TANGO6: variants seen among roughly 807,000 people sequenced by gnomAD.
The protein encoded by TANGO6 is transport and golgi organization 6 homolog.
In TANGO6, 90 loss-of-function variants were observed where a neutral mutation model predicts 114.2. That is an observed-to-expected ratio of 0.79 (90% CI 0.66 to 0.94). The LOEUF is 0.94. Among genes scored for constraint, TANGO6 ranks in the 40% least tolerant of loss-of-function variants. The pLI is 0.00. For synonymous variants in TANGO6, 477 were observed against 509.8 expected, an observed-to-expected ratio of 0.94 and a Z score of 0.87; for missense variants, 1,274 against 1,315.3, an observed-to-expected ratio of 0.97 and a Z score of 0.49.
At chr16:68,882,472 G>A (rs1962477472) in intron 7 of TANGO6, among the ~76,000 whole-genome samples, 1 of 151,980 alleles carries the variant, frequency 6.6e-6, no homozygotes, top group Non-Finnish European at 1.5e-5. Flanking sequence ...ACTCCAGCCT[G>A]GGTGACAGAG....
chr16:68,843,811 C>G (rs1961761753), intron 1 of TANGO6, 100 bp downstream of exon 1: 10 of 1,128,988 alleles, frequency 8.9e-6, no homozygotes, highest in Non-Finnish European at 1.2e-5. Context: ...CCCTTAGGCC[C>G]GCCTCGGGAC....
At chr16:69,033,681 G>C (rs1336324966) in intron 16 of TANGO6, 1 of 152,270 alleles carries the variant, frequency 6.6e-6, no homozygotes, top group Non-Finnish European at 1.5e-5. Flanking sequence ...TGTGGCGGGA[G>C]GTCCTGGAGG....
intron 7 of TANGO6, among the ~76,000 whole-genome samples, chr16:68,889,948 C>G (rs1047979770): frequency 1.3e-5 from 2 of 152,202 alleles, no homozygotes; most frequent in African/African-American, 4.8e-5. Flanking sequence ...ATGCACAGTG[C>G]AAAATACTTG....
chr16:68,901,523 C>G (rs761163140), intron 8 of TANGO6, among the ~76,000 whole-genome samples: 1 of 152,212 alleles, frequency 6.6e-6, no homozygotes, highest in Non-Finnish European at 1.5e-5. Flanking sequence ...GAGTCTCGCT[C>G]TGTTGCCCAG....
chr16:68,997,163 C>A (rs1963999383), intron 15 of TANGO6, among the ~76,000 whole-genome samples: 1 of 152,074 alleles, frequency 6.6e-6, no homozygotes, highest in Admixed American at 6.6e-5. Context: ...AGGGTGAATC[C>A]CAAAATTGGG....
chr16:69,083,666 G>C lies in TANGO6; in HGVS notation c.*5G>C. On this transcript the variant is annotated 3_prime_UTR_variant, in exon 18 of 18. Transcript: ENST00000261778. The stretch of plus-strand genomic sequence containing the variant: ...AAGATCATGGTCCTGCCGTAGACCT[G>C]GCTCCAAGGACGTGGAGGAGGCAGG... 1 of 1,554,432 alleles carries C rather than the reference G, an allele frequency of 6.4e-7. No homozygotes were observed. Among genetic ancestry groups the C allele is most frequent in the South Asian group, 1.2e-5 (1 of 84,120 alleles).
intron 16 of TANGO6, among the ~76,000 whole-genome samples, chr16:69,029,875 AG>A (rs1959565319): frequency 6.6e-6 from 1 of 152,122 alleles, no homozygotes; most frequent in South Asian, 2.1e-4. Flanking sequence ...TGGGAGGCCA[AG>A]GTGGGTGGAT....
At chr16:69,008,061 A>C (rs1964109995) in intron 15 of TANGO6, among the ~76,000 whole-genome samples, 1 of 152,110 alleles carries the variant, frequency 6.6e-6, no homozygotes, top group South Asian at 2.1e-4. Flanking sequence ...TATGATTTGC[A>C]AATATTTTCT....
At chr16:69,007,318 G>A (rs1964101716) in intron 15 of TANGO6, among the ~76,000 whole-genome samples, 1 of 138,412 alleles carries the variant, frequency 7.2e-6, no homozygotes, top group African/African-American at 2.7e-5. Flanking sequence ...CACCCAGGCT[G>A]GAGTGCAGTG....
intron 1 of TANGO6, among the ~76,000 whole-genome samples, chr16:68,858,947 A>G (rs925333605): frequency 6.6e-6 from 1 of 152,190 alleles, no homozygotes; most frequent in Non-Finnish European, 1.5e-5. Context: ...TTAATTTCCA[A>G]ACATTTAAGG....
chr16:69,001,198 G>T (rs1964038967), intron 15 of TANGO6, among the ~76,000 whole-genome samples: 1 of 152,202 alleles, frequency 6.6e-6, no homozygotes. Flanking sequence ...TTCCAGCACA[G>T]TTAGGGGGAA....
intron 9 of TANGO6, among the ~76,000 whole-genome samples, chr16:68,904,613 C>A (rs28501314): frequency 2.0e-5 from 3 of 151,868 alleles, no homozygotes; most frequent in Non-Finnish European, 4.4e-5. Flanking sequence ...TTTTTCTCAA[C>A]TTAGTCTGAA....
chr16:69,015,376 G>A (rs1959276015), intron 15 of TANGO6, among the ~76,000 whole-genome samples: 1 of 152,210 alleles, frequency 6.6e-6, no homozygotes, highest in Non-Finnish European at 1.5e-5. Context: ...CAGGGTCTGA[G>A]ATGCTGACAC....
intron 7 of TANGO6, among the ~76,000 whole-genome samples, chr16:68,884,259 T>G (rs1237163382): frequency 6.6e-6 from 1 of 152,170 alleles, no homozygotes; most frequent in East Asian, 1.9e-4. Context: ...TGTATTTAAT[T>G]TCACTATTTT....
chr16:69,023,716 A>G (rs1959451264), intron 16 of TANGO6, among the ~76,000 whole-genome samples: 1 of 151,844 alleles, frequency 6.6e-6, no homozygotes, highest in African/African-American at 2.4e-5. Flanking sequence ...GGCACCCTGT[A>G]TTCAGGGGGA....
chr16:69,007,923 G>A (rs1039337792), intron 15 of TANGO6, among the ~76,000 whole-genome samples: 1 of 152,010 alleles, frequency 6.6e-6, no homozygotes, highest in Non-Finnish European at 1.5e-5. Flanking sequence ...ACCTTTTCCT[G>A]TGCTTCTTGG....
intron 17 of TANGO6, among the ~76,000 whole-genome samples, chr16:69,080,342 G>A (rs1208691626): frequency 6.6e-6 from 1 of 152,160 alleles, no homozygotes. Flanking sequence ...TCTGAGGTGG[G>A]AGGGTTGCTT....
chr16:68,877,977 T>A (rs1005466659), intron 5 of TANGO6, 141 bp from the exon 6 acceptor site: 2 of 711,982 alleles, frequency 2.8e-6, no homozygotes, highest in Non-Finnish European at 4.3e-6. Context: ...ACTGGGTATG[T>A]TAAATTAAAA....
chr16:69,062,798 A>G (rs1960143182), intron 17 of TANGO6, among the ~76,000 whole-genome samples: 1 of 150,806 alleles, frequency 6.6e-6, no homozygotes, highest in African/African-American at 2.4e-5. Context: ...AAAAAAAAAA[A>G]AAAAAAAAAA....
Sources: allele counts gnomAD v4.1 joint callset (sites outside exome capture counted in the v4.1 genomes callset), GRCh38; gene constraint gnomAD v4.1.1; transcripts MANE v1.5; gene names NCBI Gene and HGNC (gene_info 2026-07-23, HGNC 2026-07-21).